The following MFN1 variants were observed in gnomAD, a reference collection of about 807,000 sequenced individuals.
The protein encoded by MFN1 is mitofusin 1.
A neutral mutation model predicts 92.4 loss-of-function variants in MFN1; 65 were observed. The observed-to-expected ratio is 0.70, with a 90% CI of 0.58 to 0.86. The LOEUF (loss-of-function observed/expected upper bound fraction) is 0.86. MFN1 is among the 40% of genes least tolerant of loss of function. The probability of loss-of-function intolerance (pLI) is 0.00; values close to 1 mark genes in which losing one functional copy is unlikely to be tolerated. For synonymous variants in MFN1, 297 were observed against 300.9 expected, an observed-to-expected ratio of 0.99 and a Z score of 0.13; for missense variants, 781 against 868.0, an observed-to-expected ratio of 0.90 and a Z score of 1.26.
chr3:179,392,774 A>C lies in MFN1; in HGVS notation c.*715A>C, dbSNP rs1013079423. 1.3e-5 allele frequency: 2 copies of C among 152,198 alleles called. No individual in the cohort carries two copies. Among genetic ancestry groups the C allele is most frequent in the Non-Finnish European group, 1.5e-5 (1 of 68,028 alleles). The allele number at this position is 152,198 out of a possible 1,614,324, so 9.4% of individuals were successfully genotyped here. ...AATTTTAGGAGTAAAGTTTGAAGAG[A>C]TAAAAATAGCCAAAGATAGGAGACG... On this transcript the variant is annotated 3_prime_UTR_variant, in exon 18 of 18. Coordinates refer to ENST00000471841, the MANE Select transcript of MFN1 (RefSeq NM_033540.3).
At chr3:179,378,904 G>T in intron 14 of MFN1, 90 bp downstream of exon 14, 4 of 1,002,334 alleles carry the variant, frequency 4.0e-6, no homozygotes, top group Non-Finnish European at 5.9e-6. Flanking sequence ...TACAAAATCT[G>T]CACATTTAAA....
chr3:179,380,509 AAC>A (rs1236542739), intron 14 of MFN1, among the ~76,000 whole-genome samples: 1 of 152,178 alleles, frequency 6.6e-6, no homozygotes, highest in Non-Finnish European at 1.5e-5. Flanking sequence ...TGGTTTCACA[AAC>A]ATTTTATACC....
intron 5 of MFN1, among the ~76,000 whole-genome samples, chr3:179,362,845 A>G (rs1355822320): frequency 6.6e-6 from 1 of 152,168 alleles, no homozygotes; most frequent in African/African-American, 2.4e-5. Context: ...ACCTGGCTCC[A>G]TTTTGTTTTT....
At chr3:179,361,113 G>A (rs905013829) in intron 4 of MFN1, among the ~76,000 whole-genome samples, 1 of 152,096 alleles carries the variant, frequency 6.6e-6, no homozygotes, top group Non-Finnish European at 1.5e-5. Context: ...ACACTGTCTC[G>A]AAAAGAAAAG....
At chr3:179,366,574 G>A (rs1712804051) in intron 7 of MFN1, among the ~76,000 whole-genome samples, 2 of 152,092 alleles carry the variant, frequency 1.3e-5, no homozygotes, top group Admixed American at 1.3e-4. Flanking sequence ...CTGTTCACAT[G>A]ATAAAATTAT....
At chr3:179,381,542 T>C (rs1713467432) in intron 14 of MFN1, among the ~76,000 whole-genome samples, 1 of 152,258 alleles carries the variant, frequency 6.6e-6, no homozygotes. Context: ...GTGTGTCTTA[T>C]ATTTTTACTA....
chr3:179,371,016 T>C (rs1713001948), intron 9 of MFN1, among the ~76,000 whole-genome samples: 1 of 152,256 alleles, frequency 6.6e-6, no homozygotes, highest in Admixed American at 6.5e-5. Context: ...TTTGGGGATT[T>C]GCTTACTTTT....
At position 179,390,150 on chromosome 3, in the gene MFN1, T is replaced by C. The variant is rs745921287; in HGVS notation, c.2147+12T>C. On this transcript the variant is annotated intron_variant, in intron 17 of 17. Coordinates refer to ENST00000471841, the MANE Select transcript of MFN1 (RefSeq NM_033540.3). ...TCAAAGCTCTTAAGGTATTTAAACC[T>C]TTCTTCTCAATAATTTGAACATTTA... 2 of 1,528,350 alleles carry C rather than the reference T, an allele frequency of 1.3e-6. No individual in the cohort carries two copies. Among genetic ancestry groups the C allele is most frequent in the African/African-American group, 2.8e-5 (2 of 70,366 alleles). 94.7% of individuals were successfully genotyped at this position (1,528,350 alleles called of 1,614,324 possible).
chr3:179,361,659 C>G (rs1712586275), intron 4 of MFN1, among the ~76,000 whole-genome samples: 1 of 151,964 alleles, frequency 6.6e-6, no homozygotes, highest in Admixed American at 6.6e-5. Context: ...GTCTCCGCCT[C>G]CCGAGTAGCT....
chr3:179,374,290 A>C (rs959096576), intron 9 of MFN1, among the ~76,000 whole-genome samples: 2 of 147,688 alleles, frequency 1.4e-5, no homozygotes, highest in Non-Finnish European at 3.0e-5. Context: ...GTGACAGTGC[A>C]AGACTGTCAA....
At chr3:179,388,361 C>T (rs373593131) in intron 16 of MFN1, among the ~76,000 whole-genome samples, 6 of 152,158 alleles carry the variant, frequency 3.9e-5, no homozygotes, top group East Asian at 1.9e-4. Context: ...CAAATGTATA[C>T]GTTAAATGCT....
At chr3:179,374,298 C>T (rs376200480) in intron 9 of MFN1, among the ~76,000 whole-genome samples, 5 of 111,436 alleles carry the variant, frequency 4.5e-5, no homozygotes, top group African/African-American at 5.5e-5. Flanking sequence ...GCAAGACTGT[C>T]AAAAATATAT....
intron 16 of MFN1, among the ~76,000 whole-genome samples, chr3:179,388,676 G>T (rs763559529): frequency 3.9e-5 from 6 of 152,196 alleles, no homozygotes; most frequent in African/African-American, 7.2e-5. Context: ...GGCTGTACAA[G>T]TTACTTAAAT....
At chr3:179,388,930 G>T (rs73045131) in intron 16 of MFN1, among the ~76,000 whole-genome samples, 26,378 of 152,164 alleles carry the variant, frequency 0.17, 2,381 homozygotes, top group Admixed American at 0.24. Flanking sequence ...TGTATGTGTA[G>T]ATTGGGGTTT....
At chr3:179,383,955 A>G (rs1447855178) in intron 14 of MFN1, among the ~76,000 whole-genome samples, 1 of 152,106 alleles carries the variant, frequency 6.6e-6, no homozygotes, top group Non-Finnish European at 1.5e-5. Context: ...TGTCACCTCA[A>G]AGCTGTTTTA....
intron 9 of MFN1, 112 bp from the exon 10 acceptor site, chr3:179,375,108 T>C (rs1713187071): frequency 4.9e-6 from 6 of 1,212,376 alleles, no homozygotes; most frequent in Non-Finnish European, 6.6e-6. Flanking sequence ...ATTTGTTTTC[T>C]ATCTTTATTT....
chr3:179,392,095 A>G lies in MFN1; in HGVS notation c.*36A>G, dbSNP rs1713925001. 1 of 1,335,512 alleles carries G rather than the reference A, an allele frequency of 7.5e-7. No individual in the cohort carries two copies. The highest frequency in any genetic ancestry group is 1.5e-5 in the African/African-American group (1 of 68,294). 82.7% of individuals were successfully genotyped at this position (1,335,512 alleles called of 1,614,324 possible). On this transcript the variant is annotated 3_prime_UTR_variant, in exon 18 of 18. Coordinates refer to ENST00000471841, the MANE Select transcript of MFN1 (RefSeq NM_033540.3). ...TGCTTTGGTGACCATGATAGGAGGA[A>G]ACGAAACTTGTAAGATTGGAACAGT...
chr3:179,366,979 G>T (rs1246568410), intron 7 of MFN1, among the ~76,000 whole-genome samples: 3 of 152,230 alleles, frequency 2.0e-5, no homozygotes, highest in Non-Finnish European at 4.4e-5. Context: ...CCAGGCTGGA[G>T]TACAGGGGCA....
chr3:179,368,161 C>T, intron 9 of MFN1, 58 bp downstream of exon 9: 1 of 1,295,466 alleles, frequency 7.7e-7, no homozygotes, highest in Non-Finnish European at 1.0e-6. Flanking sequence ...TTGGAGAAAG[C>T]ATAATCTTCT....
Sources: gnomAD v4.1 joint callset for allele counts (sites outside exome capture counted in the v4.1 genomes callset) on GRCh38, gnomAD v4.1.1 for gene constraint, MANE v1.5 for transcripts, NCBI Gene and HGNC (gene_info 2026-07-23, HGNC 2026-07-21) for gene names.